The following ZC2HC1A variants were observed in gnomAD, a reference collection of about 807,000 sequenced individuals.
ZC2HC1A encodes the protein zinc finger C2HC domain-containing protein 1A.
Under a neutral mutation model 40.7 loss-of-function variants are expected in ZC2HC1A, and 28 were observed. That is an observed-to-expected ratio of 0.69 (90% confidence interval 0.51 to 0.94). ZC2HC1A has a LOEUF of 0.94. Ranked by LOEUF, ZC2HC1A falls within the 40% of genes least tolerant of loss-of-function variation. ZC2HC1A has a pLI of 0.00. For missense variants in ZC2HC1A, 389 were observed against 386.3 expected (o/e 1.01, Z -0.06); for synonymous variants, 129 against 129.2 (o/e 1.00, Z 0.01).
At chr8:78,701,104 T>C (rs1262239881) in intron 7 of ZC2HC1A, among the ~76,000 whole-genome samples, 4 of 152,242 alleles carry the variant, frequency 2.6e-5, no homozygotes, top group African/African-American at 9.6e-5. Context: ...TTTAACAATA[T>C]TGATTCTCCC....
intron 7 of ZC2HC1A, among the ~76,000 whole-genome samples, chr8:78,698,920 C>A (rs534993384): frequency 1.3e-5 from 2 of 152,242 alleles, no homozygotes; most frequent in South Asian, 4.1e-4. Flanking sequence ...TCAGTTTGCT[C>A]AAAGCCACAT....
rs1232707247 is a variant in ZC2HC1A, at chr8:78,717,394, T to C, written c.879T>C (p.Pro293=). The change falls in exon 9 of 9, where the codon CCT becomes CCC. Residue 293 remains proline, a synonymous_variant. Transcript: ENST00000263849. The part of the protein sequence containing the change: ...GNIKGIEGHS[P]GNLPKFCHEC... ...TTAAAGGCATTGAAGGACATTCACC[T>C]GGAAACTTACCAAAATTCTGCCATG... 1.9e-6 allele frequency: 3 copies of C among 1,613,638 alleles called. No individual in the cohort carries two copies. Among genetic ancestry groups the C allele is most frequent in the African/African-American group, 2.7e-5 (2 of 74,914 alleles).
chr8:78,684,067 A>C (rs1363472850), intron 3 of ZC2HC1A, among the ~76,000 whole-genome samples: 1 of 152,140 alleles, frequency 6.6e-6, no homozygotes, highest in Non-Finnish European at 1.5e-5. Flanking sequence ...AAACTTTCCC[A>C]CATTTTTCTG....
intron 3 of ZC2HC1A, among the ~76,000 whole-genome samples, chr8:78,683,985 G>A (rs775625622): frequency 8.5e-5 from 13 of 152,250 alleles, no homozygotes; most frequent in Non-Finnish European, 1.6e-4. Context: ...GACCACCTTA[G>A]CCTGGACTTT....
intron 5 of ZC2HC1A, among the ~76,000 whole-genome samples, chr8:78,693,135 T>TG (rs1810270060): frequency 6.6e-6 from 1 of 152,186 alleles, no homozygotes; most frequent in Non-Finnish European, 1.5e-5. Context: ...CTATCATTGT[T>TG]GGACATTTGG....
intron 5 of ZC2HC1A, among the ~76,000 whole-genome samples, chr8:78,696,457 TC>T (rs1810418226): frequency 6.6e-6 from 1 of 152,228 alleles, no homozygotes; most frequent in Non-Finnish European, 1.5e-5. Context: ...GAGTCTAAAT[TC>T]CTGCTCTGCT....
Position 78,689,186 on chromosome 8 carries a change from A to G in ZC2HC1A, c.353-36A>G, listed in dbSNP as rs775604140. The G allele has an allele frequency of 2.2e-6, 3 of 1,386,156 alleles. No individual in the cohort carries two copies. In the African/African-American group the frequency reaches 4.5e-5, roughly 21 times the overall value. 85.9% of individuals were successfully genotyped at this position (1,386,156 alleles called of 1,614,324 possible). On this transcript the variant is annotated intron_variant, in intron 4 of 8. Coordinates refer to ENST00000263849, the MANE Select transcript of ZC2HC1A (RefSeq NM_016010.3). ...TTTTTTAATGTCCGTTTCAAGTACT[A>G]TGCTATTAATCTGTTTCCGTTTTTA...
intron 3 of ZC2HC1A, among the ~76,000 whole-genome samples, chr8:78,679,597 A>G (rs1323798587): frequency 6.6e-6 from 1 of 152,172 alleles, no homozygotes; most frequent in African/African-American, 2.4e-5. Context: ...CCAACTGTGT[A>G]TTGCTAAGAA....
At chr8:78,711,555 C>T (rs532561256) in intron 7 of ZC2HC1A, among the ~76,000 whole-genome samples, 2 of 151,696 alleles carry the variant, frequency 1.3e-5, no homozygotes, top group Non-Finnish European at 1.5e-5. Flanking sequence ...TTAGTCAATT[C>T]CTTATTTTTG....
chr8:78,697,838 C>G (rs2130545222), intron 6 of ZC2HC1A, among the ~76,000 whole-genome samples: 1 of 151,918 alleles, frequency 6.6e-6, no homozygotes, highest in African/African-American at 2.4e-5. Context: ...GCCACCATGC[C>G]CACCTAATTT....
chr8:78,689,600 T>G (rs769379165), intron 5 of ZC2HC1A, among the ~76,000 whole-genome samples: 34 of 152,016 alleles, frequency 2.2e-4, no homozygotes, highest in Non-Finnish European at 3.8e-4. Context: ...TTTTTCTATG[T>G]GGATATTCTA....
Position 78,691,999 on chromosome 8 carries a change from A to G in ZC2HC1A, c.504+2626A>G, listed in dbSNP as rs145444087. Among the ~76,000 whole-genome samples the G allele has an allele frequency of 2.4e-3, 370 of 152,306 alleles. 2 individuals carry two copies. The highest frequency in any genetic ancestry group is 2.1e-3 in the Non-Finnish European group (141 of 68,010). ...GTGCAATGACTAAATCAAGCTAATT[A>G]ACATACTATCACCTCAAGTACTTAC... is the stretch of plus-strand genomic sequence containing the variant. On this transcript the variant is annotated intron_variant, in intron 5 of 8. Transcript: ENST00000263849.
chr8:78,697,871 G>A (rs546641174), intron 6 of ZC2HC1A, among the ~76,000 whole-genome samples: 106 of 151,852 alleles, frequency 7.0e-4, no homozygotes, highest in Non-Finnish European at 1.2e-3. Flanking sequence ...ATAGAGATGG[G>A]GTTTCACCAA....
At chr8:78,684,458 A>T (rs1268571872) in intron 3 of ZC2HC1A, among the ~76,000 whole-genome samples, 1 of 152,168 alleles carries the variant, frequency 6.6e-6, no homozygotes, top group East Asian at 1.9e-4. Flanking sequence ...CCGTGATTCA[A>T]TTACCTCCTA....
chr8:78,671,966 T>C (rs1176129574), intron 1 of ZC2HC1A, among the ~76,000 whole-genome samples: 1 of 152,176 alleles, frequency 6.6e-6, no homozygotes, highest in Non-Finnish European at 1.5e-5. Flanking sequence ...AAAGGGACCG[T>C]ATGTCATTTA....
intron 2 of ZC2HC1A, among the ~76,000 whole-genome samples, chr8:78,676,320 C>T (rs1401393542): frequency 6.6e-6 from 1 of 151,796 alleles, no homozygotes; most frequent in Non-Finnish European, 1.5e-5. Context: ...CCTTTTCTGT[C>T]AGCTCTTATT....
rs117201537 is a variant in ZC2HC1A, at chr8:78,674,700, A to G, written c.17-1087A>G. Among the ~76,000 whole-genome samples, 6 of 152,234 alleles carry G rather than the reference A, an allele frequency of 3.9e-5. No individual in the cohort carries two copies. In the East Asian group the frequency reaches 1.2e-3, roughly 29 times the overall value. ...AGGGCAGTGGAGTAAGAAATGAGAA[A>G]ACAAAACAGTTCTTCTGTTACTGTA... is the stretch of plus-strand genomic sequence containing the variant. On this transcript the variant is annotated intron_variant, in intron 1 of 8. Coordinates refer to ENST00000263849, the MANE Select transcript of ZC2HC1A (RefSeq NM_016010.3).
In ZC2HC1A at chr8:78,686,384, T is replaced by C. The variant is rs536278182; in HGVS notation, c.211-83T>C. 5 of 1,092,718 alleles carry C rather than the reference T, an allele frequency of 4.6e-6. No homozygotes were observed. The Admixed American group carries it at 1.6e-4, about 36-fold the overall frequency. The allele number at this position is 1,092,718 out of a possible 1,614,324, so 67.7% of individuals were successfully genotyped here. ...TGATAAGAGAACATTTAAAATGATA[T>C]GGAATTATCTGATGTTTTATTTCAA... On this transcript the variant is annotated intron_variant, in intron 3 of 8. Coordinates refer to ENST00000263849, the MANE Select transcript of ZC2HC1A (RefSeq NM_016010.3).
chr8:78,677,216 G>A (rs1209596742), intron 2 of ZC2HC1A, among the ~76,000 whole-genome samples: 1 of 151,990 alleles, frequency 6.6e-6, no homozygotes, highest in Non-Finnish European at 1.5e-5. Flanking sequence ...TTAGTTTACC[G>A]ATGTCATCAA....
Sources: gnomAD v4.1 joint callset for allele counts (sites outside exome capture counted in the v4.1 genomes callset) on GRCh38, gnomAD v4.1.1 for gene constraint, MANE v1.5 for transcripts, NCBI Gene and HGNC (gene_info 2026-07-23, HGNC 2026-07-21) for gene names.